Variants in PPP1R1A observed in about 807,000 individuals in gnomAD.
PPP1R1A encodes protein phosphatase 1 regulatory subunit 1A.
A neutral mutation model predicts 23.9 loss-of-function variants in PPP1R1A; 18 were observed. The observed-to-expected ratio is 0.75, with a 90% CI of 0.52 to 1.12. The LOEUF (loss-of-function observed/expected upper bound fraction) is 1.12, where lower values mean the gene tolerates loss of function less well. PPP1R1A is among the 50% of genes most tolerant of loss of function. The probability of loss-of-function intolerance (pLI) is 0.00; values close to 1 mark genes in which losing one functional copy is unlikely to be tolerated. For synonymous variants in PPP1R1A, 84 were observed against 80.7 expected, an observed-to-expected ratio of 1.04 and a Z score of -0.22; for missense variants, 207 against 223.8, an observed-to-expected ratio of 0.92 and a Z score of 0.48.
Position 54,582,792 on chromosome 12 carries a change from T to C in PPP1R1A, c.187A>G (p.Thr63Ala). The part of the protein sequence containing the change: ...DRIPNPHLKS[T>A]LAMSPRQRKK... ...CGTTGCCGTGGAGACATTGCCAAAG[T>C]GGACTGTGAAGGGCACAGAGCACAG... Residue 63 changes from threonine (T) to alanine (A), a missense_variant, in exon 4 of 7, where the codon ACT becomes GCT. Thr to Ala is a moderately conservative substitution (Grantham distance 58, BLOSUM62 0). Coordinates refer to ENST00000257905, the MANE Select transcript of PPP1R1A (RefSeq NM_006741.4). 1 of 1,613,404 alleles carries C rather than the reference T, an allele frequency of 6.2e-7. No homozygotes were observed. The highest frequency in any genetic ancestry group is 8.5e-7 in the Non-Finnish European group (1 of 1,179,872).
At chr12:54,588,256 A>ACCCCCCCCCCCCCCCCCCCCCCCCC (rs142801029) in intron 1 of PPP1R1A, 149 bp downstream of exon 1, 1 of 181,092 alleles carries the variant, frequency 5.5e-6, no homozygotes, top group African/African-American at 2.7e-5. Context: ...GGGACAGAAG[A>ACCCCCCCCCCCCCCCCCCCCCCCCC]CCCCCCCCCG....
In PPP1R1A at chr12:54,579,251, G is replaced by A; in HGVS notation, c.*1136C>T. 1 of 985,214 alleles carries A rather than the reference G, an allele frequency of 1.0e-6. No homozygotes were observed. 61.0% of individuals were successfully genotyped at this position (985,214 alleles called of 1,614,324 possible). A position where few individuals can be genotyped will look rare whatever the true frequency, so the allele number is the denominator to read the frequency against. On this transcript the variant is annotated 3_prime_UTR_variant, in exon 7 of 7. Transcript: ENST00000257905. Reference sequence around the variant, plus strand: ...GAAGGGAGACCAGGCCTGACTGTGTGTGTTCACTGGGTACAAGTTGACCAA... The same window carrying A: ...GAAGGGAGACCAGGCCTGACTGTGTATGTTCACTGGGTACAAGTTGACCAA...
Position 54,584,243 on chromosome 12 carries a change from C to T in PPP1R1A, c.145+17G>A. 6.3e-7 allele frequency: 1 copy of T among 1,589,530 alleles called. No individual in the cohort carries two copies. The highest frequency in any genetic ancestry group is 8.6e-7 in the Non-Finnish European group (1 of 1,166,702). On this transcript the variant is annotated intron_variant, in intron 2 of 6. Coordinates refer to ENST00000257905, the MANE Select transcript of PPP1R1A (RefSeq NM_006741.4). Reference sequence around the variant, plus strand: ...TAGTGGCCCCCACGCCCTTCAGCAACCTATCCCTTGGCTTACCTGGGGATG... The same window carrying T: ...TAGTGGCCCCCACGCCCTTCAGCAATCTATCCCTTGGCTTACCTGGGGATG...
chr12:54,585,066 C>A (rs936667536), intron 1 of PPP1R1A, among the ~76,000 whole-genome samples: 11 of 152,200 alleles, frequency 7.2e-5, no homozygotes, highest in Non-Finnish European at 4.4e-5. Flanking sequence ...GTGACAGCGC[C>A]TGGAGAGAGC....
rs1291474643 is a variant in PPP1R1A at position 54,579,669 on chromosome 12, G to A, written c.*718C>T. The A allele has an allele frequency of 1.0e-5, 10 of 985,342 alleles. No individual in the cohort carries two copies. Among genetic ancestry groups the A allele is most frequent in the Non-Finnish European group, 1.2e-5 (10 of 829,984 alleles). 61.0% of individuals were successfully genotyped at this position (985,342 alleles called of 1,614,324 possible). Reference sequence around the variant, plus strand: ...AGGGAACCCTTCCAGTCTCCAGCATGGGCCTCTTCATTAATAGCCACTGTG... The same window carrying A: ...AGGGAACCCTTCCAGTCTCCAGCATAGGCCTCTTCATTAATAGCCACTGTG... On this transcript the variant is annotated 3_prime_UTR_variant, in exon 7 of 7. Coordinates refer to ENST00000257905, the MANE Select transcript of PPP1R1A (RefSeq NM_006741.4).
At position 54,581,684 on chromosome 12, in the gene PPP1R1A, G is replaced by A. The variant is rs1194093471; in HGVS notation, c.403+292C>T. ...TCAGCTGGTAAGGTAGCAAGTGGCCGAGCCAGGATTCTAGCCTGTGATTGC... is the reference window on the plus strand; with the variant it reads ...TCAGCTGGTAAGGTAGCAAGTGGCCAAGCCAGGATTCTAGCCTGTGATTGC... On this transcript the variant is annotated intron_variant, in intron 5 of 6. Coordinates refer to ENST00000257905, the MANE Select transcript of PPP1R1A (RefSeq NM_006741.4). The surrounding 1 kb of genome is among the most constrained non-coding windows in gnomAD (Gnocchi z 4.1). Among the ~76,000 whole-genome samples, 4 of 152,204 alleles carry A rather than the reference G, an allele frequency of 2.6e-5. No individual in the cohort carries two copies. Among genetic ancestry groups the A allele is most frequent in the Non-Finnish European group, 4.4e-5 (3 of 68,040 alleles).
Position 54,588,634 on chromosome 12 carries a change from T to C in PPP1R1A, c.-146A>G, listed in dbSNP as rs963953726. On this transcript the variant is annotated 5_prime_UTR_variant, in exon 1 of 7. Transcript: ENST00000257905. ...CGGCTCCCGGCTCCCGGCACAGCGC[T>C]CCCAGCTCGCGGCTCCGGGGACTCT... 3.5e-6 allele frequency: 1 copy of C among 282,544 alleles called. No homozygotes were observed. The highest frequency in any genetic ancestry group is 6.1e-6 in the Non-Finnish European group (1 of 164,786). 17.5% of individuals were successfully genotyped at this position (282,544 alleles called of 1,614,324 possible). A position where few individuals can be genotyped will look rare whatever the true frequency, so the allele number is the denominator to read the frequency against.
chr12:54,585,895 C>T (rs1044114411), intron 1 of PPP1R1A, among the ~76,000 whole-genome samples: 2 of 152,220 alleles, frequency 1.3e-5, no homozygotes, highest in East Asian at 3.9e-4. Flanking sequence ...GCAAGGTCCC[C>T]GCAGTACCAG....
rs1400614963 is a variant in PPP1R1A, at chr12:54,581,562, G to C, written c.403+414C>G. ...ATGCTCTGTGTGTGTCGGGTGCTGT[G>C]TCAACAGCCAGTCTCATTTAATAGT... On this transcript the variant is annotated intron_variant, in intron 5 of 6. Coordinates refer to ENST00000257905, the MANE Select transcript of PPP1R1A (RefSeq NM_006741.4). The surrounding 1 kb of genome is among the most constrained non-coding windows in gnomAD (Gnocchi z 4.1). 2.6e-5 allele frequency among the ~76,000 whole-genome samples: 4 copies of C among 152,198 alleles called. No homozygotes were observed. The highest frequency in any genetic ancestry group is 5.9e-5 in the Non-Finnish European group (4 of 68,030).
At position 54,580,280 on chromosome 12, in the gene PPP1R1A, CTT is replaced by C; in HGVS notation, c.*105_*106del. On this transcript the variant is annotated 3_prime_UTR_variant, in exon 7 of 7. Transcript: ENST00000257905. ...CAAGGACCTAACACCAAATTTATCA[CTT>C]TTTAAAAACAAGAGATTTTCCCCAA... 1 of 1,552,832 alleles carries C rather than the reference CTT, an allele frequency of 6.4e-7. No individual in the cohort carries two copies.
rs767489153 is a variant in PPP1R1A, at chr12:54,579,818, G to A, written c.*569C>T. On this transcript the variant is annotated 3_prime_UTR_variant, in exon 7 of 7. Coordinates refer to ENST00000257905, the MANE Select transcript of PPP1R1A (RefSeq NM_006741.4). ...CAGCTGGGGCTTGGAGGGCAGGCGAGGAGGTATCGGCACACCACCATACCC... is the reference window on the plus strand; with the variant it reads ...CAGCTGGGGCTTGGAGGGCAGGCGAAGAGGTATCGGCACACCACCATACCC... 1.2e-4 allele frequency: 120 copies of A among 985,514 alleles called. No individual in the cohort carries two copies. The highest frequency in any genetic ancestry group is 1.3e-4 in the Non-Finnish European group (111 of 830,120). 61.0% of individuals were successfully genotyped at this position (985,514 alleles called of 1,614,324 possible). A position where few individuals can be genotyped will look rare whatever the true frequency, so the allele number is the denominator to read the frequency against.
In PPP1R1A at chr12:54,579,509, C is replaced by T. The variant is rs775235400; in HGVS notation, c.*878G>A. On this transcript the variant is annotated 3_prime_UTR_variant, in exon 7 of 7. Coordinates refer to ENST00000257905, the MANE Select transcript of PPP1R1A (RefSeq NM_006741.4). Reference sequence around the variant, plus strand: ...AGGGAGGGGGAAAGAATCTTGCCTTCCCTCCTTTCCTCTCTCCCACTACCT... The same window carrying T: ...AGGGAGGGGGAAAGAATCTTGCCTTTCCTCCTTTCCTCTCTCCCACTACCT... The T allele has an allele frequency of 1.0e-6, 1 of 985,402 alleles. No homozygotes were observed. The highest frequency in any genetic ancestry group is 1.2e-6 in the Non-Finnish European group (1 of 829,946). The allele number at this position is 985,402 out of a possible 1,614,324, so 61.0% of individuals were successfully genotyped here.
chr12:54,583,235 G>A lies in PPP1R1A; in HGVS notation c.159C>T (p.Asp53=), dbSNP rs774778924. 1.3e-6 allele frequency: 2 copies of A among 1,536,468 alleles called. No homozygotes were observed. Among genetic ancestry groups the A allele is most frequent in the Non-Finnish European group, 8.7e-7 (1 of 1,147,018 alleles). ...CCTTGAGATGTGGGTTGGGGATCCG[G>A]TCTTCATCTATCTCTGAAGGGAACA... ...SDQSSPEIDE[D]RIPNPHLKST... is the part of the protein sequence containing the mutation. Residue 53 remains aspartate (D), a synonymous_variant, in exon 3 of 7, where the codon GAC becomes GAT. Transcript: ENST00000257905.
At chr12:54,583,757 C>T (rs1263613210) in intron 2 of PPP1R1A, among the ~76,000 whole-genome samples, 3 of 152,190 alleles carry the variant, frequency 2.0e-5, no homozygotes, top group African/African-American at 7.2e-5. Flanking sequence ...CTGTCCCCCT[C>T]GCTTCCATAC....
intron 1 of PPP1R1A, among the ~76,000 whole-genome samples, chr12:54,584,920 T>A (rs1957894274): frequency 6.6e-6 from 1 of 152,136 alleles, no homozygotes; most frequent in African/African-American, 2.4e-5. Flanking sequence ...TCTAAGCATA[T>A]CTGCTCTAAT....
At position 54,580,012 on chromosome 12, in the gene PPP1R1A, T is replaced by A; in HGVS notation, c.*375A>T. 3.0e-6 allele frequency: 3 copies of A among 1,012,044 alleles called. No individual in the cohort carries two copies. Among genetic ancestry groups the A allele is most frequent in the Non-Finnish European group, 3.5e-6 (3 of 846,224 alleles). 62.7% of individuals were successfully genotyped at this position (1,012,044 alleles called of 1,614,324 possible). A position where few individuals can be genotyped will look rare whatever the true frequency, so the allele number is the denominator to read the frequency against. On this transcript the variant is annotated 3_prime_UTR_variant, in exon 7 of 7. Transcript: ENST00000257905. Reference sequence around the variant, plus strand: ...CGTTCCTCAATAAGAAAAGAGAACCTGGGGCTTTTCTTCCTTCTTGGCACC... The same window carrying A: ...CGTTCCTCAATAAGAAAAGAGAACCAGGGGCTTTTCTTCCTTCTTGGCACC...
intron 1 of PPP1R1A, among the ~76,000 whole-genome samples, chr12:54,587,604 G>T (rs1957922566): frequency 6.6e-6 from 1 of 152,096 alleles, no homozygotes; most frequent in Admixed American, 6.5e-5. Flanking sequence ...CTGGGCCAGG[G>T]CCCTGGACTC....
Position 54,581,141 on chromosome 12 carries a change from A to G in PPP1R1A, c.404-91T>C. 2 of 1,024,442 alleles carry G rather than the reference A, an allele frequency of 2.0e-6. No homozygotes were observed. Among genetic ancestry groups the G allele is most frequent in the Non-Finnish European group, 2.9e-6 (2 of 681,424 alleles). The allele number at this position is 1,024,442 out of a possible 1,614,324, so 63.5% of individuals were successfully genotyped here. On this transcript the variant is annotated intron_variant, in intron 5 of 6. Transcript: ENST00000257905. This position sits in a 1 kb window ranked among gnomAD's most constrained non-coding sequence, Gnocchi z 4.1. ...CTTCTCCTCACTGCACCCATACCCC[A>G]GTGGCCCCTGAGAGGGCCCCAGGAC...
Position 54,582,009 on chromosome 12 carries a change from C to A in PPP1R1A, c.370G>T (p.Glu124Ter). Reference sequence around the variant, plus strand: ...GTCCCAGAGGTGCCCAGCCTTGACTCCACTTCTGTGTCTGGGATCCCAGGT... The same window carrying A: ...GTCCCAGAGGTGCCCAGCCTTGACTACACTTCTGTGTCTGGGATCCCAGGT... ...RPPGIPDTEV[E>*]SRLGTSGTAK... The change falls in exon 5 of 7, where the codon GAG (glutamate) becomes TAG (stop). Residue 124 changes from glutamate (E) to a stop codon, truncating the protein, a stop_gained. Coordinates refer to ENST00000257905, the MANE Select transcript of PPP1R1A (RefSeq NM_006741.4). LOFTEE classifies it high-confidence loss of function. The A allele has an allele frequency of 3.1e-6, 5 of 1,613,580 alleles. No homozygotes were observed. Among genetic ancestry groups the A allele is most frequent in the Non-Finnish European group, 4.2e-6 (5 of 1,179,728 alleles).
Sources: gnomAD v4.1 joint callset for allele counts (sites outside exome capture counted in the v4.1 genomes callset) on GRCh38, gnomAD v4.1.1 for gene constraint, Gnocchi (gnomAD v3.1) non-coding constraint, MANE v1.5 for transcripts, NCBI Gene and HGNC (gene_info 2026-07-23, HGNC 2026-07-21) for gene names.